ARHGEF4: variants seen among roughly 807,000 people sequenced by gnomAD.
ARHGEF4 encodes APC-stimulated guanine nucleotide exchange factor 1.
Under a neutral mutation model 162.0 loss-of-function variants are expected in ARHGEF4, and 119 were observed. The observed-to-expected ratio is 0.73, with a 90% CI of 0.63 to 0.86. The LOEUF (loss-of-function observed/expected upper bound fraction) is 0.86. Among genes scored for constraint, ARHGEF4 ranks in the 40% least tolerant of loss-of-function variants. ARHGEF4 has a pLI of 0.00. For synonymous variants in ARHGEF4, 1,014 were observed against 979.9 expected (o/e 1.03, Z -0.65); for missense variants, 2,488 against 2,456.0 (o/e 1.01, Z -0.28).
At chr2:130,884,656 T>G (rs1679401230) in intron 1 of ARHGEF4, among the ~76,000 whole-genome samples, 1 of 152,020 alleles carries the variant, frequency 6.6e-6, no homozygotes, top group African/African-American at 2.4e-5. Flanking sequence ...AGTAAAACAT[T>G]TAGAAAGCGA....
intron 1 of ARHGEF4, among the ~76,000 whole-genome samples, chr2:130,912,995 A>G (rs973701522): frequency 6.6e-6 from 1 of 152,028 alleles, no homozygotes; most frequent in Non-Finnish European, 1.5e-5. Flanking sequence ...ACTGTGCCTA[A>G]TTTGTAGCTT....
In ARHGEF4 at chr2:130,849,260, C is replaced by T. The variant is rs78832751; in HGVS notation, c.39+12268C>T. 2.0e-5 allele frequency among the ~76,000 whole-genome samples: 3 copies of T among 152,340 alleles called. No homozygotes were observed. In the East Asian group the frequency reaches 5.8e-4, roughly 29 times the overall value. On this transcript the variant is annotated intron_variant, in intron 1 of 13. Coordinates refer to ENST00000409359, the MANE Select transcript of ARHGEF4 (RefSeq NM_001367493.1). ...CTGGGGAGCGTTGGGGCAAGAACAC[C>T]GTTTTGTTGGGTGCATATTGTCATG...
At chr2:131,027,023 G>C (rs779229062) in intron 4 of ARHGEF4, among the ~76,000 whole-genome samples, 4 of 152,166 alleles carry the variant, frequency 2.6e-5, no homozygotes, top group African/African-American at 7.2e-5. Context: ...GGAAAACAAC[G>C]TGCTCCTTAG....
At chr2:130,937,702 C>G (rs554903376) in intron 3 of ARHGEF4, among the ~76,000 whole-genome samples, 24 of 144,948 alleles carry the variant, frequency 1.7e-4, no homozygotes, top group South Asian at 2.2e-4. Flanking sequence ...GAATGTCGCT[C>G]TGTCACCCAG....
At chr2:130,837,061 C>G in intron 1 of ARHGEF4, 69 bp downstream of exon 1, 1 of 1,215,830 alleles carries the variant, frequency 8.2e-7, no homozygotes, top group Non-Finnish European at 1.0e-6. Context: ...GGAGCACAGC[C>G]CGCGCTGGCT....
intron 5 of ARHGEF4, 92 bp downstream of exon 5, chr2:131,028,176 C>T (rs1376672263): frequency 1.3e-4 from 202 of 1,509,132 alleles, no homozygotes; most frequent in Non-Finnish European, 1.7e-4. Context: ...GCCCACAGTC[C>T]ACGTTCCATG....
chr2:131,040,882 T>G (rs1202090374), intron 8 of ARHGEF4, among the ~76,000 whole-genome samples: 1 of 152,168 alleles, frequency 6.6e-6, no homozygotes, highest in Non-Finnish European at 1.5e-5. Flanking sequence ...GGGCCTTGTT[T>G]TGGCCCTCTT....
chr2:130,864,271 A>C (rs570262417), intron 1 of ARHGEF4, among the ~76,000 whole-genome samples: 1 of 152,190 alleles, frequency 6.6e-6, no homozygotes, highest in African/African-American at 2.4e-5. Flanking sequence ...AATTACGCCT[A>C]GTCACAGGAG....
intron 5 of ARHGEF4, chr2:131,035,479 G>GGT: frequency 3.9e-6 from 1 of 256,328 alleles, no homozygotes; most frequent in Non-Finnish European, 6.5e-6. Flanking sequence ...GCCCTGTGGG[G>GGT]AGTGGGGGCT....
intron 4 of ARHGEF4, among the ~76,000 whole-genome samples, chr2:130,949,040 T>C (rs1163925764): frequency 2.0e-5 from 3 of 152,220 alleles, no homozygotes; most frequent in Non-Finnish European, 4.4e-5. Flanking sequence ...CTCATTTGAA[T>C]TCTCATTCAA....
intron 4 of ARHGEF4, among the ~76,000 whole-genome samples, chr2:131,004,112 G>T (rs1407168277): frequency 6.6e-6 from 1 of 152,060 alleles, no homozygotes; most frequent in Non-Finnish European, 1.5e-5. Context: ...TGTGGTGCAG[G>T]CCTTCCATAT....
chr2:131,013,363 GTGTGCACTGGA>G (rs1553441253), intron 4 of ARHGEF4, among the ~76,000 whole-genome samples: 1 of 152,216 alleles, frequency 6.6e-6, no homozygotes, highest in Non-Finnish European at 1.5e-5. Context: ...GTCAGCTAGA[GTGTGCACTGGA>G]TATCGAGACC....
chr2:130,903,936 C>A (rs1261180687), intron 1 of ARHGEF4, among the ~76,000 whole-genome samples: 3 of 152,126 alleles, frequency 2.0e-5, no homozygotes, highest in Admixed American at 6.5e-5. Context: ...CTGATGGGCA[C>A]CTAAGTTGAT....
intron 4 of ARHGEF4, among the ~76,000 whole-genome samples, chr2:130,996,538 T>G (rs894052084): frequency 6.6e-6 from 1 of 152,210 alleles, no homozygotes; most frequent in Non-Finnish European, 1.5e-5. Context: ...ATTTTATCAA[T>G]TATTCCAGTG....
At chr2:130,992,974 T>C (rs1687142639) in intron 4 of ARHGEF4, among the ~76,000 whole-genome samples, 1 of 152,090 alleles carries the variant, frequency 6.6e-6, no homozygotes, top group Admixed American at 6.6e-5. Context: ...ATCCCAACTA[T>C]TCGGGAGGCT....
In ARHGEF4 at chr2:131,028,010, T is replaced by C; in HGVS notation, c.4051T>C (p.Tyr1351His). The C allele has an allele frequency of 6.2e-7, 1 of 1,613,980 alleles. No homozygotes were observed. The highest frequency in any genetic ancestry group is 8.5e-7 in the Non-Finnish European group (1 of 1,179,990). Residue 1351 changes from tyrosine (Y) to histidine (H), a missense_variant, in exon 5 of 14, where the codon TAT becomes CAT. Around this residue, in one of 6 missense-constraint regions of ARHGEF4, gnomAD observed 1,642 missense variants for 1,481.5 expected, o/e 1.11. Transcript: ENST00000409359. Reference protein sequence around the residue: ...ADEVGSEEDLYDDLHSSSHHY... With the variant: ...ADEVGSEEDLHDDLHSSSHHY... ...CGAAGTGGGGAGCGAGGAGGACCTG[T>C]ATGATGACCTGCACAGCTCCAGCCA...
chr2:130,918,925 C>G (rs922788038), intron 2 of ARHGEF4, among the ~76,000 whole-genome samples: 3 of 152,170 alleles, frequency 2.0e-5, no homozygotes, highest in Non-Finnish European at 4.4e-5. Flanking sequence ...GGCCTCTCCC[C>G]AAAACCGTCT....
intron 10 of ARHGEF4, among the ~76,000 whole-genome samples, chr2:131,043,051 CAAGTGA>C (rs1690941475): frequency 6.6e-6 from 1 of 152,174 alleles, no homozygotes; most frequent in Admixed American, 6.5e-5. Context: ...GGGAAAAAAA[CAAGTGA>C]ATTTAATTTT....
At chr2:130,971,354 A>AT in intron 4 of ARHGEF4, among the ~76,000 whole-genome samples, 1 of 152,146 alleles carries the variant, frequency 6.6e-6, no homozygotes, top group Middle Eastern at 3.4e-3. Context: ...TTTCATATAC[A>AT]TTTTAGAACC....
Sources: allele counts gnomAD v4.1 joint callset (sites outside exome capture counted in the v4.1 genomes callset), GRCh38; gene constraint gnomAD v4.1.1; regional missense constraint gnomAD v4.1.1; transcripts MANE v1.5; gene names NCBI Gene and HGNC (gene_info 2026-07-23, HGNC 2026-07-21).